The following OR2L5 variants were observed in gnomAD, a reference collection of about 807,000 sequenced individuals.
OR2L5 encodes olfactory receptor 2L5.
For synonymous variants in OR2L5, 169 were observed against 142.0 expected (o/e 1.19, Z -1.35); for missense variants, 413 against 381.6 (o/e 1.08, Z -0.69).
Position 248,022,189 on chromosome 1 carries a change from C to T in OR2L5, c.242C>T (p.Ala81Val). The change falls in exon 2 of 2, where the codon GCT becomes GTT. Residue 81 changes from alanine (A) to valine (V), a missense_variant. By Grantham distance (64) the Ala-to-Val change is moderately conservative (BLOSUM62 0). Transcript: ENST00000355281. ...ATCTCTACGATTGTTCCTAAGATGG[C>T]TTCTGATTTTCTGTATGGAAACAAG... The part of the protein sequence containing the change: ...NYISTIVPKM[A>V]SDFLYGNKSI... 6.2e-7 allele frequency: 1 copy of T among 1,614,036 alleles called. No individual in the cohort carries two copies. The highest frequency in any genetic ancestry group is 8.5e-7 in the Non-Finnish European group (1 of 1,179,956).
chr1:248,016,893 G>A (rs909727413), intron 1 of OR2L5, among the ~76,000 whole-genome samples: 2 of 151,998 alleles, frequency 1.3e-5, no homozygotes, highest in South Asian at 2.1e-4. Flanking sequence ...ATAAAATGTC[G>A]GTGGTGATGT....
In OR2L5 at chr1:248,021,992, G is replaced by A. The variant is rs780696612; in HGVS notation, c.45G>A (p.Gly15=). 6.2e-7 allele frequency: 1 copy of A among 1,613,754 alleles called. No homozygotes were observed. Among genetic ancestry groups the A allele is most frequent in the South Asian group, 1.1e-5 (1 of 91,050 alleles). The change falls in exon 2 of 2, where the codon GGG becomes GGA. Residue 15 remains glycine (G), a synonymous_variant. Coordinates refer to ENST00000355281, the MANE Select transcript of OR2L5 (RefSeq NM_001258284.2). ...NQTSTDFILL[G]LFPPSKIGLF... Reference sequence around the variant, plus strand: ...CGTCAACTGATTTCATCTTATTGGGGCTGTTCCCACCATCAAAAATTGGCC... The same window carrying A: ...CGTCAACTGATTTCATCTTATTGGGACTGTTCCCACCATCAAAAATTGGCC...
chr1:248,016,102 A>T (rs1340951902), intron 1 of OR2L5, among the ~76,000 whole-genome samples: 1 of 152,178 alleles, frequency 6.6e-6, no homozygotes, highest in Non-Finnish European at 1.5e-5. Context: ...TGAATATGTG[A>T]ATTACTTAAA....
intron 1 of OR2L5, among the ~76,000 whole-genome samples, chr1:248,016,578 T>G (rs1446658600): frequency 6.6e-6 from 1 of 152,098 alleles, no homozygotes; most frequent in African/African-American, 2.4e-5. Context: ...TGATTATGTA[T>G]TTCAGTAAAT....
In OR2L5 at chr1:248,021,915, G is replaced by A. The variant is rs376496878; in HGVS notation, c.-21-12G>A. ...ACTACTGTACTTGACTTACCCTTGT[G>A]TCTCCCTTCAGGAAGGATCGTATGA... On this transcript the variant is annotated splice_polypyrimidine_tract_variant and intron_variant, in intron 1 of 1. Transcript: ENST00000355281. 9.0e-6 allele frequency: 14 copies of A among 1,553,310 alleles called. No individual in the cohort carries two copies. The African/African-American group carries it at 1.8e-4, about 20-fold the overall frequency.
chr1:248,021,145 G>C (rs905382945), intron 1 of OR2L5, among the ~76,000 whole-genome samples: 1 of 152,002 alleles, frequency 6.6e-6, no homozygotes, highest in Non-Finnish European at 1.5e-5. Context: ...TTACATCTGA[G>C]TTTGTGTTGG....
intron 1 of OR2L5, among the ~76,000 whole-genome samples, chr1:248,017,078 A>G (rs1453589096): frequency 6.6e-6 from 1 of 152,180 alleles, no homozygotes; most frequent in African/African-American, 2.4e-5. Flanking sequence ...CTGTGAAACT[A>G]TCATCGGAAT....
intron 1 of OR2L5, among the ~76,000 whole-genome samples, chr1:248,021,232 A>C (rs1662326180): frequency 6.6e-6 from 1 of 152,162 alleles, no homozygotes; most frequent in Admixed American, 6.5e-5. Flanking sequence ...CTTAGAAAAA[A>C]TTTTGGTTAT....
At chr1:248,014,006 A>G (rs1408751757) in intron 1 of OR2L5, among the ~76,000 whole-genome samples, 1 of 152,132 alleles carries the variant, frequency 6.6e-6, no homozygotes, top group East Asian at 1.9e-4. Flanking sequence ...ATATTAAACT[A>G]TGCTTTTTTG....
chr1:248,021,576 A>T (rs898001147), intron 1 of OR2L5, among the ~76,000 whole-genome samples: 1 of 152,184 alleles, frequency 6.6e-6, no homozygotes, highest in African/African-American at 2.4e-5. Context: ...ACTTTATTTC[A>T]TCATGTAGAC....
rs1344761405 is a variant in OR2L5 at position 248,023,479 on chromosome 1, T to G, written c.*593T>G. The G allele has an allele frequency of 6.6e-6, 1 of 152,200 alleles. No individual in the cohort carries two copies. The highest frequency in any genetic ancestry group is 1.5e-5 in the Non-Finnish European group (1 of 68,046). The allele number at this position is 152,200 out of a possible 1,614,324, so 9.4% of individuals were successfully genotyped here. ...CTCTTAGACTACAGTTGACTTAGACTTAGTTGAATGTGGAGTAGGTTATTT... is the reference window on the plus strand; with the variant it reads ...CTCTTAGACTACAGTTGACTTAGACGTAGTTGAATGTGGAGTAGGTTATTT... On this transcript the variant is annotated 3_prime_UTR_variant, in exon 2 of 2. Transcript: ENST00000355281.
In OR2L5 at chr1:248,023,805, A is replaced by G. The variant is rs1662407738; in HGVS notation, c.*919A>G. The G allele has an allele frequency of 6.6e-6, 1 of 152,188 alleles. No homozygotes were observed. 9.4% of individuals were successfully genotyped at this position (152,188 alleles called of 1,614,324 possible). A position where few individuals can be genotyped will look rare whatever the true frequency, so the allele number is the denominator to read the frequency against. ...TTCCTGAGAAACGCTTTAGTCTCTG[A>G]GGAGAGGAGGCAAGAAGGAAGGTAG... On this transcript the variant is annotated 3_prime_UTR_variant, in exon 2 of 2. Coordinates refer to ENST00000355281, the MANE Select transcript of OR2L5 (RefSeq NM_001258284.2).
rs1662386029 is a variant in OR2L5 at position 248,022,985 on chromosome 1, A to G, written c.*99A>G. On this transcript the variant is annotated 3_prime_UTR_variant, in exon 2 of 2. Transcript: ENST00000355281. ...TTATTACATGCCCAGTATGTCAAAC[A>G]GAGATTAATCCAGAATGTTTGTCTT... 4 of 1,096,338 alleles carry G rather than the reference A, an allele frequency of 3.6e-6. No individual in the cohort carries two copies. The highest frequency in any genetic ancestry group is 5.2e-6 in the Non-Finnish European group (4 of 764,644). The allele number at this position is 1,096,338 out of a possible 1,614,324, so 67.9% of individuals were successfully genotyped here.
chr1:248,022,974 G>C lies in OR2L5; in HGVS notation c.*88G>C. 8.3e-7 allele frequency: 1 copy of C among 1,208,632 alleles called. No individual in the cohort carries two copies. The highest frequency in any genetic ancestry group is 2.4e-5 in the Admixed American group (1 of 41,772). 74.9% of individuals were successfully genotyped at this position (1,208,632 alleles called of 1,614,324 possible). ...GAAGAAAAACATTATTACATGCCCA[G>C]TATGTCAAACAGAGATTAATCCAGA... is the stretch of plus-strand genomic sequence containing the variant. On this transcript the variant is annotated 3_prime_UTR_variant, in exon 2 of 2. Transcript: ENST00000355281.
intron 1 of OR2L5, among the ~76,000 whole-genome samples, chr1:248,018,050 G>C (rs914994796): frequency 3.3e-5 from 5 of 151,886 alleles, no homozygotes; most frequent in Non-Finnish European, 7.4e-5. Context: ...AGCTACTTGG[G>C]AGGCTGAGGC....
chr1:248,015,606 C>T (rs1662178476), intron 1 of OR2L5, among the ~76,000 whole-genome samples: 1 of 152,090 alleles, frequency 6.6e-6, no homozygotes. Flanking sequence ...TTCAGAGTTT[C>T]AGAACTTTAG....
chr1:248,022,664 C>A lies in OR2L5; in HGVS notation c.717C>A (p.Thr239=), dbSNP rs576557803. 1.3e-4 allele frequency: 204 copies of A among 1,613,934 alleles called. No homozygotes were observed. The highest frequency in any genetic ancestry group is 1.7e-4 in the Non-Finnish European group (199 of 1,179,994). ...AAGGGAGGAAAAAGGCCTATTCGAC[C>A]TGCAGCACCCACCTCACTGTAGTAA... ...SAEGRKKAYS[T]CSTHLTVVTF... The change falls in exon 2 of 2, where the codon ACC becomes ACA. Residue 239 remains threonine, a synonymous_variant. Transcript: ENST00000355281.
chr1:248,022,841 G>T lies in OR2L5; in HGVS notation c.894G>T (p.Gly298=). The T allele has an allele frequency of 6.2e-7, 1 of 1,612,810 alleles. No homozygotes were observed. ...GCCTGAGAAACAAGGAGGTGATGGG[G>T]GCCCTGACACGAGTGATTCAGAATA... ...IYSLRNKEVM[G]ALTRVIQNIF... is the part of the protein sequence containing the mutation. The change falls in exon 2 of 2, where the codon GGG becomes GGT. Residue 298 remains glycine, a synonymous_variant. Coordinates refer to ENST00000355281, the MANE Select transcript of OR2L5 (RefSeq NM_001258284.2).
At chr1:248,019,311 G>A (rs1662281708) in intron 1 of OR2L5, among the ~76,000 whole-genome samples, 1 of 152,038 alleles carries the variant, frequency 6.6e-6, no homozygotes, top group African/African-American at 2.4e-5. Context: ...AATTACAATG[G>A]TTTGACTTAC....
Sources: gnomAD v4.1 joint callset for allele counts (sites outside exome capture counted in the v4.1 genomes callset) on GRCh38, gnomAD v4.1.1 for gene constraint, MANE v1.5 for transcripts, NCBI Gene and HGNC (gene_info 2026-07-23, HGNC 2026-07-21) for gene names.